Variants in TIAM1 observed in about 807,000 individuals in gnomAD.
The protein encoded by TIAM1 is rho guanine nucleotide exchange factor TIAM1.
TIAM1 carries 65 observed loss-of-function variants against 163.5 expected under a neutral mutation model. That is an observed-to-expected ratio of 0.40 (90% CI 0.33 to 0.49). The LOEUF (loss-of-function observed/expected upper bound fraction) is 0.49, where lower values mean the gene tolerates loss of function less well. Ranked by LOEUF, TIAM1 falls within the 20% of genes least tolerant of loss-of-function variation. The pLI is 0.77. For missense variants in TIAM1, 1,789 were observed against 2,044.7 expected (o/e 0.87, Z 2.41); for synonymous variants, 833 against 810.1 (o/e 1.03, Z -0.48).
At position 31,213,484 on chromosome 21, in the gene TIAM1, A is replaced by G. The variant is rs771425784; in HGVS notation, c.2143-12T>C. The G allele has an allele frequency of 6.2e-7, 1 of 1,613,604 alleles. No homozygotes were observed. Among genetic ancestry groups the G allele is most frequent in the Admixed American group, 1.7e-5 (1 of 59,956 alleles). On this transcript the variant is annotated splice_polypyrimidine_tract_variant and intron_variant, in intron 9 of 27. Transcript: ENST00000541036. ...CCCTCTCCAAACACCTGCATATACA[A>G]AAGTACCACCTTAAAAAGGAATCTG...
At chr21:31,145,747 T>C (rs1473244607) in intron 20 of TIAM1, among the ~76,000 whole-genome samples, 1 of 152,094 alleles carries the variant, frequency 6.6e-6, no homozygotes, top group Admixed American at 6.6e-5. Context: ...GGAACAAAAG[T>C]AGGTGAAGGA....
intron 2 of TIAM1, among the ~76,000 whole-genome samples, chr21:31,410,530 TGA>T (rs1487308304): frequency 6.7e-6 from 1 of 150,328 alleles, no homozygotes; most frequent in South Asian, 2.1e-4. Context: ...TGCATGAGAC[TGA>T]GTTTATGTAT....
chr21:31,219,352 T>G (rs1359344183), intron 8 of TIAM1, among the ~76,000 whole-genome samples: 1 of 152,164 alleles, frequency 6.6e-6, no homozygotes, highest in Non-Finnish European at 1.5e-5. Flanking sequence ...AGACTTGAAA[T>G]GAAACTTCTC....
In TIAM1 at chr21:31,210,174, G is replaced by T. The variant is rs145603758; in HGVS notation, c.2259C>A (p.Asn753Lys). 2.5e-6 allele frequency: 4 copies of T among 1,614,010 alleles called. No individual in the cohort carries two copies. The African/African-American group carries it at 4.0e-5, about 16-fold the overall frequency. The change falls in exon 11 of 28, where the codon AAC (asparagine) becomes AAA (lysine). Residue 753 changes from asparagine (N) to lysine (K), a missense_variant. Asn to Lys is a moderately conservative substitution (Grantham distance 94). Coordinates refer to ENST00000541036, the MANE Select transcript of TIAM1 (RefSeq NM_001353694.2). Reference protein sequence around the residue: ...EVVLPNVHQHNPDCDIWVHEY... With the variant: ...EVVLPNVHQHKPDCDIWVHEY... ...CGTGGACCCAAATGTCGCAGTCAGG[G>T]TTGTGCTGGTGAACGTTAGGTAAGA...
rs768972530 is a variant in TIAM1 at position 31,141,458 on chromosome 21, C to T, written c.3522G>A (p.Pro1174=). The change falls in exon 21 of 28, where the codon CCG becomes CCA. Residue 1174 remains proline (P), a synonymous_variant. Transcript: ENST00000541036. The surrounding 1 kb of genome is among the most constrained non-coding windows in gnomAD (Gnocchi z 4.7). ...AFKAFLDAQN[P]KQQHSSTLES... ...CCAGCGTGGATGAGTGCTGCTGCTTCGGGTTCTGGGCATCCAAGAATGCCT... is the reference window on the plus strand; with the variant it reads ...CCAGCGTGGATGAGTGCTGCTGCTTTGGGTTCTGGGCATCCAAGAATGCCT... The T allele has an allele frequency of 2.2e-5, 36 of 1,614,090 alleles. No individual in the cohort carries two copies. The highest frequency in any genetic ancestry group is 5.3e-5 in the African/African-American group (4 of 74,924).
At chr21:31,124,835 A>G (rs2082133484) in intron 26 of TIAM1, 141 bp from the exon 27 acceptor site, 2 of 646,722 alleles carry the variant, frequency 3.1e-6, no homozygotes, top group Non-Finnish European at 4.9e-6. Flanking sequence ...TTCTATGCTG[A>G]GCGGTGATTT....
chr21:31,496,693 T>C (rs2046665014), intron 1 of TIAM1, among the ~76,000 whole-genome samples: 1 of 152,134 alleles, frequency 6.6e-6, no homozygotes, highest in Non-Finnish European at 1.5e-5. Context: ...GTCCTAGGCC[T>C]TTACATTCAC....
At chr21:31,258,627 C>A (rs2072261534) in intron 4 of TIAM1, among the ~76,000 whole-genome samples, 1 of 152,090 alleles carries the variant, frequency 6.6e-6, no homozygotes, top group Non-Finnish European at 1.5e-5. Flanking sequence ...GTCAAGAGAT[C>A]TAGACCATCC....
At chr21:31,242,880 G>GA (rs2071268068) in intron 6 of TIAM1, among the ~76,000 whole-genome samples, 1 of 121,124 alleles carries the variant, frequency 8.3e-6, no homozygotes, top group Non-Finnish European at 1.8e-5. Flanking sequence ...AAAAAAAAAA[G>GA]AAAAAAGAAA....
At chr21:31,552,422 T>C (rs1349511651) in intron 1 of TIAM1, among the ~76,000 whole-genome samples, 1 of 152,180 alleles carries the variant, frequency 6.6e-6, no homozygotes, top group African/African-American at 2.4e-5. Context: ...TCAAGTTTGA[T>C]AGACAAAAAC....
At chr21:31,455,686 G>A (rs1343140248) in intron 2 of TIAM1, among the ~76,000 whole-genome samples, 1 of 152,156 alleles carries the variant, frequency 6.6e-6, no homozygotes, top group Non-Finnish European at 1.5e-5. Flanking sequence ...ACCACCAGAT[G>A]GGAAGCGCTA....
At chr21:31,548,330 C>T (rs1054280970) in intron 1 of TIAM1, among the ~76,000 whole-genome samples, 4 of 151,652 alleles carry the variant, frequency 2.6e-5, no homozygotes, top group Admixed American at 6.6e-5. Context: ...TTAGTAGGGA[C>T]GGGTTTCGCC....
In TIAM1 at chr21:31,317,792, A is replaced by C. The variant is rs528077471; in HGVS notation, c.-189+21451T>G. 2.6e-5 allele frequency among the ~76,000 whole-genome samples: 4 copies of C among 152,230 alleles called. No individual in the cohort carries two copies. In the South Asian group the frequency reaches 8.3e-4, roughly 32 times the overall value. ...GAGACTCTGCCTCAAAAAAAACCCC[A>C]AAAAACAAACAAACAAGAAAAACCC... On this transcript the variant is annotated intron_variant, in intron 2 of 27. Coordinates refer to ENST00000541036, the MANE Select transcript of TIAM1 (RefSeq NM_001353694.2).
At chr21:31,409,001 C>A (rs1249871697) in intron 2 of TIAM1, among the ~76,000 whole-genome samples, 1 of 151,148 alleles carries the variant, frequency 6.6e-6, no homozygotes, top group Non-Finnish European at 1.5e-5. Context: ...ATGCCCCCCC[C>A]TCCAGGCTTC....
At chr21:31,206,383 A>C (rs2146536260) in intron 11 of TIAM1, among the ~76,000 whole-genome samples, 1 of 152,322 alleles carries the variant, frequency 6.6e-6, no homozygotes, top group African/African-American at 2.4e-5. Context: ...CCATGTTCAG[A>C]ATACATCTTT....
intron 15 of TIAM1, among the ~76,000 whole-genome samples, chr21:31,182,118 C>T (rs1177951504): frequency 1.3e-5 from 2 of 152,024 alleles, no homozygotes; most frequent in Non-Finnish European, 2.9e-5. Flanking sequence ...GTATCTCTAT[C>T]CACAGCAAAG....
intron 9 of TIAM1, among the ~76,000 whole-genome samples, chr21:31,215,801 C>A (rs1259218845): frequency 2.6e-5 from 4 of 152,180 alleles, no homozygotes; most frequent in African/African-American, 9.7e-5. Flanking sequence ...CAGTCTCACA[C>A]TCGCTTAGCA....
At chr21:31,520,749 G>C (rs979751547) in intron 1 of TIAM1, among the ~76,000 whole-genome samples, 1 of 152,222 alleles carries the variant, frequency 6.6e-6, no homozygotes, top group African/African-American at 2.4e-5. Context: ...CGTGCGATTG[G>C]AGATTTATAT....
chr21:31,181,668 G>A (rs2085020573), intron 15 of TIAM1, among the ~76,000 whole-genome samples: 1 of 148,256 alleles, frequency 6.7e-6, no homozygotes, highest in Non-Finnish European at 1.5e-5. Context: ...GTGGTGGTTT[G>A]GAAGATGACG....
Sources: allele counts gnomAD v4.1 joint callset (sites outside exome capture counted in the v4.1 genomes callset), GRCh38; gene constraint gnomAD v4.1.1; non-coding constraint Gnocchi (gnomAD v3.1); transcripts MANE v1.5; gene names NCBI Gene and HGNC (gene_info 2026-07-23, HGNC 2026-07-21).